PCSK5: variants seen among roughly 807,000 people sequenced by gnomAD.
The protein encoded by PCSK5 is proprotein convertase subtilisin/kexin type 5.
A neutral mutation model predicts 233.2 loss-of-function variants in PCSK5; 129 were observed. That is an observed-to-expected ratio of 0.55 (90% confidence interval 0.48 to 0.64). PCSK5 has a LOEUF of 0.64. Among genes scored for constraint, PCSK5 ranks in the 30% least tolerant of loss-of-function variants. The pLI is 0.00. For synonymous variants in PCSK5, 825 were observed against 879.2 expected (o/e 0.94, Z 1.09); for missense variants, 2,076 against 2,430.1 (o/e 0.85, Z 3.06).
rs1828301019 is a variant in PCSK5 at position 76,292,228 on chromosome 9, T to TC, written c.3143-3dup. The TC allele has an allele frequency of 6.5e-7, 1 of 1,533,882 alleles. No homozygotes were observed. On this transcript the variant is annotated splice_region_variant and splice_polypyrimidine_tract_variant and intron_variant, in intron 24 of 37. Transcript: ENST00000674117. Reference sequence around the variant, plus strand: ...TTATTACTTTTTATTATTTTTTTTTTCCAGATGATCCAGGAACATGTACAT... The same window carrying TC: ...TTATTACTTTTTATTATTTTTTTTTTCCCAGATGATCCAGGAACATGTACAT...
At chr9:75,904,742 G>T (rs1045325883) in intron 1 of PCSK5, among the ~76,000 whole-genome samples, 3 of 152,206 alleles carry the variant, frequency 2.0e-5, no homozygotes, top group Non-Finnish European at 2.9e-5. Flanking sequence ...CTGTCTGGCA[G>T]TTCCTCAAAA....
chr9:76,083,924 G>C (rs978028180), intron 7 of PCSK5, among the ~76,000 whole-genome samples: 1 of 152,212 alleles, frequency 6.6e-6, no homozygotes. Flanking sequence ...AGCAGGATTA[G>C]TACCAGTTTG....
intron 20 of PCSK5, among the ~76,000 whole-genome samples, chr9:76,191,082 G>A (rs912919524): frequency 1.1e-3 from 35 of 33,020 alleles, no homozygotes; most frequent in East Asian, 5.6e-3. Flanking sequence ...AATAACTTAC[G>A]CTGAAGCGAC....
At chr9:76,302,620 A>G (rs2131426005) in intron 28 of PCSK5, among the ~76,000 whole-genome samples, 1 of 152,334 alleles carries the variant, frequency 6.6e-6, no homozygotes, top group South Asian at 2.1e-4. Flanking sequence ...GCAGGAGATG[A>G]GAGAAATAAA....
At position 75,976,340 on chromosome 9, in the gene PCSK5, C is replaced by CCT. The variant is rs200563980; in HGVS notation, c.298-9781_298-9780dup. ...CACACACACCTTTTTCTCTCTTTTC[C>CCT]CTCTCTCTCTCTTTACATAAACTAA... On this transcript the variant is annotated intron_variant, in intron 2 of 37. Transcript: ENST00000674117. Among the ~76,000 whole-genome samples, 949 of 146,990 alleles carry CCT rather than the reference C, an allele frequency of 6.5e-3. 5 individuals carry two copies. Among genetic ancestry groups the CCT allele is most frequent in the Non-Finnish European group, 9.2e-3 (616 of 66,734 alleles).
chr9:76,326,791 A>G (rs2803435), intron 32 of PCSK5, among the ~76,000 whole-genome samples: 6,593 of 152,296 alleles, frequency 0.043, 165 homozygotes, highest in South Asian at 0.075. Flanking sequence ...GTTAGGGAAG[A>G]CAGGTACTAA....
intron 3 of PCSK5, among the ~76,000 whole-genome samples, chr9:76,013,835 A>T (rs1827833284): frequency 6.6e-6 from 1 of 152,174 alleles, no homozygotes; most frequent in Non-Finnish European, 1.5e-5. Context: ...GAAAGATGAC[A>T]TATTAAAAGT....
At chr9:75,952,982 G>T (rs912433927) in intron 2 of PCSK5, among the ~76,000 whole-genome samples, 2 of 152,132 alleles carry the variant, frequency 1.3e-5, no homozygotes, top group Non-Finnish European at 2.9e-5. Flanking sequence ...TGAACTCTGT[G>T]ATTTGGAGAA....
At chr9:75,896,973 G>A (rs35307904) in intron 1 of PCSK5, among the ~76,000 whole-genome samples, 14,867 of 152,050 alleles carry the variant, frequency 0.098, 918 homozygotes, top group Admixed American at 0.13. Context: ...AAATTAGATC[G>A]GAAAGAAAAC....
At chr9:76,107,767 C>T (rs1231519939) in intron 9 of PCSK5, among the ~76,000 whole-genome samples, 1 of 152,186 alleles carries the variant, frequency 6.6e-6, no homozygotes, top group Non-Finnish European at 1.5e-5. Flanking sequence ...CACAGACTGG[C>T]TCTGCAGAAT....
rs10707487 is a variant in PCSK5, at chr9:76,351,456, G to GAA, written c.5067+530_5067+531dup. Among the ~76,000 whole-genome samples the GAA allele has an allele frequency of 2.1e-4, 4 of 19,392 alleles. 2 individuals carry two copies. Among genetic ancestry groups the GAA allele is most frequent in the Non-Finnish European group, 4.0e-4 (4 of 10,078 alleles). 12.7% of individuals were successfully genotyped at this position (19,392 alleles called of 152,430 possible). On this transcript the variant is annotated intron_variant, in intron 36 of 37. Transcript: ENST00000674117. ...TGCAATGTGAAAGAAAGGAAAGAAA[G>GAA]AAAGAAAGAAAGAAAGAAAGAAAGA...
chr9:76,055,697 A>G (rs1829795995), intron 5 of PCSK5, among the ~76,000 whole-genome samples: 1 of 152,178 alleles, frequency 6.6e-6, no homozygotes, highest in Non-Finnish European at 1.5e-5. Flanking sequence ...AAATCTTGGC[A>G]ATTATTCAAA....
chr9:76,076,798 T>C (rs377473608), intron 7 of PCSK5, among the ~76,000 whole-genome samples: 11 of 152,206 alleles, frequency 7.2e-5, no homozygotes, highest in East Asian at 3.8e-4. Context: ...AGAGAAACTA[T>C]GTTAAACAAA....
intron 32 of PCSK5, among the ~76,000 whole-genome samples, chr9:76,324,462 C>T (rs1283263893): frequency 6.6e-6 from 1 of 152,098 alleles, no homozygotes; most frequent in Non-Finnish European, 1.5e-5. Flanking sequence ...AATGCCTGAT[C>T]TCAAGTGATC....
At chr9:75,971,457 G>C (rs546712444) in intron 2 of PCSK5, among the ~76,000 whole-genome samples, 1 of 152,176 alleles carries the variant, frequency 6.6e-6, no homozygotes, top group Non-Finnish European at 1.5e-5. Context: ...CCAGTAATGG[G>C]ATTTCTGGGT....
chr9:76,332,737 G>C, intron 34 of PCSK5, 127 bp downstream of exon 34: 1 of 695,740 alleles, frequency 1.4e-6, no homozygotes, highest in South Asian at 1.9e-5. Flanking sequence ...GTGCTAGTAA[G>C]GAGCAAAGAT....
chr9:76,189,717 T>A lies in PCSK5; in HGVS notation c.2597T>A (p.Met866Lys). ...AGTGGGTATCTCTTAGACTTAGGAA[T>A]GTGTCAAATGGGAGCCATTTGCAAG... ...CPSGYLLDLG[M>K]CQMGAICKDG... Residue 866 changes from methionine to lysine, a missense_variant, in exon 20 of 38, where the codon ATG becomes AAG. By Grantham distance (95) the Met-to-Lys change is moderately conservative (BLOSUM62 -1). Coordinates refer to ENST00000674117, the MANE Select transcript of PCSK5 (RefSeq NM_001372043.1). 1 of 1,608,870 alleles carries A rather than the reference T, an allele frequency of 6.2e-7. No homozygotes were observed. The highest frequency in any genetic ancestry group is 8.5e-7 in the Non-Finnish European group (1 of 1,175,382).
At chr9:76,302,273 G>C in intron 28 of PCSK5, 56 bp downstream of exon 28, 1 of 796,380 alleles carries the variant, frequency 1.3e-6, no homozygotes, top group Non-Finnish European at 1.8e-6. Flanking sequence ...CTCTGGAGAT[G>C]GTCTCCGTGG....
intron 24 of PCSK5, among the ~76,000 whole-genome samples, chr9:76,271,612 G>T (rs1587822916): frequency 6.6e-6 from 1 of 151,978 alleles, no homozygotes; most frequent in African/African-American, 2.4e-5. Context: ...AGGGCAGGAG[G>T]ATCGCTTGAA....
Sources: allele counts gnomAD v4.1 joint callset (sites outside exome capture counted in the v4.1 genomes callset), GRCh38; gene constraint gnomAD v4.1.1; transcripts MANE v1.5; gene names NCBI Gene and HGNC (gene_info 2026-07-23, HGNC 2026-07-21).